MTUS2: variants seen among roughly 807,000 people sequenced by gnomAD.
MTUS2 encodes microtubule-associated tumor suppressor candidate 2.
In MTUS2, 40 loss-of-function variants were observed where a neutral mutation model predicts 114.1. The ratio of observed to expected loss-of-function variants is 0.35; its 90% CI spans 0.27 to 0.46. The LOEUF is 0.46. Ranked by LOEUF, MTUS2 falls within the 20% of genes least tolerant of loss-of-function variation. MTUS2 has a pLI of 1.00. For missense variants in MTUS2, 1,679 were observed against 1,705.4 expected (o/e 0.98, Z 0.27); for synonymous variants, 688 against 672.0 (o/e 1.02, Z -0.37).
intron 5 of MTUS2, among the ~76,000 whole-genome samples, chr13:29,105,986 C>T (rs908927829): frequency 2.0e-5 from 3 of 152,076 alleles, no homozygotes; most frequent in Non-Finnish European, 4.4e-5. Context: ...TTCATCGTGG[C>T]GCTGTTTGTC....
At chr13:29,449,391 G>T (rs1218121878) in intron 9 of MTUS2, among the ~76,000 whole-genome samples, 4 of 152,084 alleles carry the variant, frequency 2.6e-5, no homozygotes, top group African/African-American at 9.7e-5. Flanking sequence ...ACCATTCATG[G>T]TTATCCAAAA....
Position 29,389,343 on chromosome 13 carries a change from ACGTG to A in MTUS2, c.3117+29871_3117+29874del, listed in dbSNP as rs1566172454. 2.9e-3 allele frequency among the ~76,000 whole-genome samples: 154 copies of A among 53,908 alleles called. 22 individuals carry two copies. The highest frequency in any genetic ancestry group is 4.6e-3 in the Non-Finnish European group (103 of 22,492). 35.4% of individuals were successfully genotyped at this position (53,908 alleles called of 152,430 possible). On this transcript the variant is annotated intron_variant, in intron 8 of 15. Transcript: ENST00000612955. Reference sequence around the variant, plus strand: ...CACATATGTGTGTATATATGTATGCACGTGTGTGTATATATGTATGCACGTGTGT... The same window carrying A: ...CACATATGTGTGTATATATGTATGCATGTGTATATATGTATGCACGTGTGT...
At chr13:29,003,726 A>T (rs753842495) in intron 2 of MTUS2, among the ~76,000 whole-genome samples, 11 of 152,170 alleles carry the variant, frequency 7.2e-5, no homozygotes, top group Non-Finnish European at 1.3e-4. Flanking sequence ...TGTGCAGAAA[A>T]GGAAGGCCAT....
chr13:28,938,515 T>C (rs1327519569), intron 2 of MTUS2, among the ~76,000 whole-genome samples: 1 of 152,104 alleles, frequency 6.6e-6, no homozygotes, highest in Admixed American at 6.6e-5. Context: ...GTAGTGGATA[T>C]ATACTGCAAA....
At chr13:29,006,891 G>A (rs1885625224) in intron 2 of MTUS2, among the ~76,000 whole-genome samples, 1 of 152,164 alleles carries the variant, frequency 6.6e-6, no homozygotes. Flanking sequence ...ATTGAACTCA[G>A]GGACAGGTGG....
chr13:29,215,693 A>G (rs1033418769), intron 5 of MTUS2, among the ~76,000 whole-genome samples: 1 of 152,088 alleles, frequency 6.6e-6, no homozygotes, highest in African/African-American at 2.4e-5. Context: ...TTTTGTGGGT[A>G]TCACTGGCAG....
intron 10 of MTUS2, among the ~76,000 whole-genome samples, chr13:29,481,599 G>A (rs557117300): frequency 6.6e-6 from 1 of 152,186 alleles, no homozygotes; most frequent in South Asian, 2.1e-4. Flanking sequence ...TACCCTCCTC[G>A]GCTGCTTCCA....
In MTUS2 at chr13:29,281,841, C is replaced by G. The variant is rs928506555; in HGVS notation, c.2782C>G (p.Pro928Ala). 3 of 1,603,684 alleles carry G rather than the reference C, an allele frequency of 1.9e-6. No individual in the cohort carries two copies. Among genetic ancestry groups the G allele is most frequent in the Non-Finnish European group, 2.6e-6 (3 of 1,173,098 alleles). ...ACCCCGCAGGAGTTTACTTCCAGCG[C>G]CAAAATCCACTTCCACACCCGCTGG... ...TAPRRSLLPA[P>A]KSTSTPAGTK... The change falls in exon 6 of 16, where the codon CCA becomes GCA. Residue 928 changes from proline to alanine, a missense_variant. Physicochemically the swap from Pro to Ala is conservative, Grantham distance 27 (BLOSUM62 -1). Around this residue, in one of 3 missense-constraint regions of MTUS2, gnomAD observed 822 missense variants for 899.7 expected, o/e 0.91. Coordinates refer to ENST00000612955, the MANE Select transcript of MTUS2 (RefSeq NM_001033602.4).
intron 2 of MTUS2, among the ~76,000 whole-genome samples, chr13:28,896,911 TTTAAGAC>T (rs1324810751): frequency 6.6e-6 from 1 of 152,222 alleles, no homozygotes; most frequent in Non-Finnish European, 1.5e-5. Context: ...TCAAGATGGA[TTTAAGAC>T]TTACATGTTA....
At chr13:29,473,661 A>G (rs867342841) in intron 9 of MTUS2, among the ~76,000 whole-genome samples, 55 of 152,334 alleles carry the variant, frequency 3.6e-4, no homozygotes, top group African/African-American at 1.3e-3. Context: ...GTCAATAATC[A>G]TCAGTTATTT....
chr13:29,050,001 C>A (rs138767331), intron 4 of MTUS2, among the ~76,000 whole-genome samples: 1 of 152,116 alleles, frequency 6.6e-6, no homozygotes, highest in African/African-American at 2.4e-5. Flanking sequence ...AACATGGAAC[C>A]CGGCTCTAGC....
At chr13:28,873,147 C>T (rs895536113) in intron 2 of MTUS2, among the ~76,000 whole-genome samples, 1 of 152,114 alleles carries the variant, frequency 6.6e-6, no homozygotes, top group Admixed American at 6.5e-5. Context: ...AACTGAAAAG[C>T]TGTATTTCCC....
intron 5 of MTUS2, among the ~76,000 whole-genome samples, chr13:29,131,345 T>C (rs1891754193): frequency 6.6e-6 from 1 of 152,236 alleles, no homozygotes; most frequent in Non-Finnish European, 1.5e-5. Context: ...CAAAAGCTGA[T>C]TGTCTTGACC....
upstream of MTUS2, among the ~76,000 whole-genome samples, chr13:28,820,135 C>G (rs1028715452): frequency 6.8e-6 from 1 of 146,868 alleles, no homozygotes; most frequent in African/African-American, 2.4e-5. Flanking sequence ...GCCGGCCCCG[C>G]GGCTTCTCTT....
At chr13:29,448,439 TA>T (rs1878440508) in intron 9 of MTUS2, among the ~76,000 whole-genome samples, 1 of 152,222 alleles carries the variant, frequency 6.6e-6, no homozygotes, top group Admixed American at 6.5e-5. Flanking sequence ...TGGCCAGAAC[TA>T]AGTCACAAGG....
Position 29,439,973 on chromosome 13 carries a change from G to A in MTUS2, c.3118-10G>A. 1.3e-6 allele frequency: 2 copies of A among 1,574,298 alleles called. No individual in the cohort carries two copies. The highest frequency in any genetic ancestry group is 1.7e-6 in the Non-Finnish European group (2 of 1,157,630). ...TAGGGGACTCTCGGTATCCGTTTTT[G>A]TTTTTTCAGAATGAAAGTGCCCTTG... is the stretch of plus-strand genomic sequence containing the variant. On this transcript the variant is annotated splice_polypyrimidine_tract_variant and intron_variant, in intron 8 of 15. Transcript: ENST00000612955.
At chr13:29,069,297 G>T (rs1888801697) in intron 4 of MTUS2, among the ~76,000 whole-genome samples, 1 of 152,146 alleles carries the variant, frequency 6.6e-6, no homozygotes, top group Non-Finnish European at 1.5e-5. Context: ...AGAGCCAATG[G>T]TATAGATTCC....
At chr13:29,350,986 T>TATATATATA (rs1369324838) in intron 7 of MTUS2, among the ~76,000 whole-genome samples, 7 of 142,840 alleles carry the variant, frequency 4.9e-5, no homozygotes, top group Admixed American at 7.0e-5. Flanking sequence ...TATATATATC[T>TATATATATA]TCAGAGGACA....
At chr13:29,256,339 G>A (rs1897282480) in intron 5 of MTUS2, among the ~76,000 whole-genome samples, 1 of 152,184 alleles carries the variant, frequency 6.6e-6, no homozygotes, top group African/African-American at 2.4e-5. Flanking sequence ...TCCTGGGCTG[G>A]CTTATCAGGG....
Sources: allele counts gnomAD v4.1 joint callset (sites outside exome capture counted in the v4.1 genomes callset), GRCh38; gene constraint gnomAD v4.1.1; regional missense constraint gnomAD v4.1.1; transcripts MANE v1.5; gene names NCBI Gene and HGNC (gene_info 2026-07-23, HGNC 2026-07-21).